PGRMC2: variants seen among roughly 807,000 people sequenced by gnomAD.
PGRMC2 encodes the protein progesterone receptor membrane component 2.
PGRMC2 carries 9 observed loss-of-function variants against 19.3 expected under a neutral mutation model. The ratio of observed to expected loss-of-function variants is 0.47; its 90% CI spans 0.28 to 0.81. The LOEUF (loss-of-function observed/expected upper bound fraction) is 0.81, where lower values mean the gene tolerates loss of function less well. PGRMC2 is among the 40% of genes least tolerant of loss of function. The pLI is 0.11. For missense variants in PGRMC2, 289 were observed against 297.3 expected (o/e 0.97, Z 0.21); for synonymous variants, 157 against 124.6 (o/e 1.26, Z -1.73).
In PGRMC2 at chr4:128,287,560, C is replaced by A; in HGVS notation, c.231G>T (p.Arg77=). 6.5e-7 allele frequency: 1 copy of A among 1,535,734 alleles called. No individual in the cohort carries two copies. The highest frequency in any genetic ancestry group is 8.8e-7 in the Non-Finnish European group (1 of 1,140,552). ...CCCCGGCCCCGGCCCCCAGACCCCG[C>A]CGCCCCCAGCGCACCCACAGCCGGT... ...GAYRLWVRWG[R]RGLGAGAGAG... The change falls in exon 1 of 3, where the codon CGG becomes CGT. Residue 77 remains arginine (R), a synonymous_variant. Coordinates refer to ENST00000296425, the MANE Select transcript of PGRMC2 (RefSeq NM_006320.6).
At chr4:128,283,659 A>AT (rs35900892) in intron 1 of PGRMC2, among the ~76,000 whole-genome samples, 145 of 134,776 alleles carry the variant, frequency 1.1e-3, no homozygotes, top group Middle Eastern at 3.9e-3. Flanking sequence ...CCATAAAAGC[A>AT]TTTTTTTTTT....
intron 1 of PGRMC2, among the ~76,000 whole-genome samples, chr4:128,275,525 C>T (rs1373952219): frequency 6.6e-6 from 1 of 152,046 alleles, no homozygotes; most frequent in African/African-American, 2.4e-5. Flanking sequence ...ATAATCCAAG[C>T]CAAATTCCAG....
intron 1 of PGRMC2, among the ~76,000 whole-genome samples, chr4:128,281,601 C>T (rs749656601): frequency 2.0e-5 from 3 of 151,990 alleles, no homozygotes; most frequent in East Asian, 1.9e-4. Flanking sequence ...TAAATATACC[C>T]GTAATCACAA....
intron 1 of PGRMC2, chr4:128,286,720 T>G: frequency 2.5e-6 from 1 of 398,546 alleles, no homozygotes; most frequent in Non-Finnish European, 4.4e-6. Flanking sequence ...ACATACCTTG[T>G]TAATCATGGA....
chr4:128,275,937 G>C (rs1432329314), intron 1 of PGRMC2, among the ~76,000 whole-genome samples: 1 of 152,088 alleles, frequency 6.6e-6, no homozygotes, highest in Non-Finnish European at 1.5e-5. Flanking sequence ...ATGTTGCCCA[G>C]CTGATCTTGA....
rs1554072647 is a variant in PGRMC2, at chr4:128,272,597, A to AAAC, written c.419-81_419-80insGTT. 75 of 926,932 alleles carry AAAC rather than the reference A, an allele frequency of 8.1e-5. 1 individual carries two copies. In the African/African-American group the frequency reaches 1.1e-3, roughly 13 times the overall value. 57.4% of individuals were successfully genotyped at this position (926,932 alleles called of 1,614,324 possible). A position where few individuals can be genotyped will look rare whatever the true frequency, so the allele number is the denominator to read the frequency against. On this transcript the variant is annotated intron_variant, in intron 1 of 2. Transcript: ENST00000296425. ...CAAAGGAAAAAGTAAAAAAAAAAAAAAAAAAACACAACAAAGAAAAAAACC... is the reference window on the plus strand; with the variant it reads ...CAAAGGAAAAAGTAAAAAAAAAAAAAAACAAAAAACACAACAAAGAAAAAAACC...
In PGRMC2 at chr4:128,269,539, CA is replaced by C. The variant is rs898548093; in HGVS notation, c.*1776del. On this transcript the variant is annotated 3_prime_UTR_variant, in exon 3 of 3. Coordinates refer to ENST00000296425, the MANE Select transcript of PGRMC2 (RefSeq NM_006320.6). ...AGATTTGGCTGAAGATAACTTTCTA[CA>C]AAACACTCCAAGACTGAATAGAATG... 6.6e-6 allele frequency: 1 copy of C among 151,344 alleles called. No individual in the cohort carries two copies. The highest frequency in any genetic ancestry group is 1.5e-5 in the Non-Finnish European group (1 of 68,020). The allele number at this position is 151,344 out of a possible 1,614,324, so 9.4% of individuals were successfully genotyped here. A position where few individuals can be genotyped will look rare whatever the true frequency, so the allele number is the denominator to read the frequency against.
In PGRMC2 at chr4:128,269,571, T is replaced by A. The variant is rs1000248085; in HGVS notation, c.*1745A>T. ...CTCCAAGACTGAATAGAATGTAGTA[T>A]TTTACATACTTTAGCTTATTGTTGC... On this transcript the variant is annotated 3_prime_UTR_variant, in exon 3 of 3. Coordinates refer to ENST00000296425, the MANE Select transcript of PGRMC2 (RefSeq NM_006320.6). 4 of 152,202 alleles carry A rather than the reference T, an allele frequency of 2.6e-5. No homozygotes were observed. Among genetic ancestry groups the A allele is most frequent in the Non-Finnish European group, 5.9e-5 (4 of 68,026 alleles). The allele number at this position is 152,202 out of a possible 1,614,324, so 9.4% of individuals were successfully genotyped here.
At chr4:128,277,523 TCA>T (rs1204328997) in intron 1 of PGRMC2, among the ~76,000 whole-genome samples, 1 of 152,242 alleles carries the variant, frequency 6.6e-6, no homozygotes, top group African/African-American at 2.4e-5. Context: ...TTAATTATTC[TCA>T]CAGTTTAAAA....
rs1295958205 is a variant in PGRMC2 at position 128,270,695 on chromosome 4, A to G, written c.*621T>C. 2 of 152,376 alleles carry G rather than the reference A, an allele frequency of 1.3e-5. No homozygotes were observed. Among genetic ancestry groups the G allele is most frequent in the Non-Finnish European group, 2.9e-5 (2 of 68,036 alleles). The allele number at this position is 152,376 out of a possible 1,614,324, so 9.4% of individuals were successfully genotyped here. ...TCTGTTGGGGAACTAGCTCTGACTTAAACCCACCTGAAATTCCTTCTCCTA... is the reference window on the plus strand; with the variant it reads ...TCTGTTGGGGAACTAGCTCTGACTTGAACCCACCTGAAATTCCTTCTCCTA... On this transcript the variant is annotated 3_prime_UTR_variant, in exon 3 of 3. Coordinates refer to ENST00000296425, the MANE Select transcript of PGRMC2 (RefSeq NM_006320.6).
intron 1 of PGRMC2, among the ~76,000 whole-genome samples, chr4:128,278,268 C>T (rs1160288491): frequency 6.6e-6 from 1 of 151,962 alleles, no homozygotes; most frequent in Non-Finnish European, 1.5e-5. Context: ...GGGATTATTC[C>T]CCTGTTGGGG....
Position 128,269,274 on chromosome 4 carries a change from C to T in PGRMC2, c.*2042G>A, listed in dbSNP as rs1052853782. ...ATTATCTACAGAACACTGTTTATTT[C>T]AAGTCCAAAACACAAATTACTCATT... On this transcript the variant is annotated 3_prime_UTR_variant, in exon 3 of 3. Transcript: ENST00000296425. 3.9e-5 allele frequency: 6 copies of T among 152,106 alleles called. No individual in the cohort carries two copies. The highest frequency in any genetic ancestry group is 1.4e-4 in the African/African-American group (6 of 41,414). The allele number at this position is 152,106 out of a possible 1,614,324, so 9.4% of individuals were successfully genotyped here.
chr4:128,275,267 A>G (rs1760789953), intron 1 of PGRMC2, among the ~76,000 whole-genome samples: 1 of 152,180 alleles, frequency 6.6e-6, no homozygotes, highest in Admixed American at 6.5e-5. Context: ...AAGCCATAAA[A>G]CACATTTAAA....
chr4:128,273,020 A>G (rs1194601460), intron 1 of PGRMC2: 2 of 152,248 alleles, frequency 1.3e-5, no homozygotes, highest in African/African-American at 2.4e-5. Context: ...TTCTATGAGA[A>G]AAGAGACTGT....
At chr4:128,287,247 C>G (rs1030860149) in intron 1 of PGRMC2, 126 bp downstream of exon 1, 10 of 1,158,210 alleles carry the variant, frequency 8.6e-6, no homozygotes, top group African/African-American at 4.8e-5. Flanking sequence ...GTGCGGCGGC[C>G]GAGGCGCGGG....
At chr4:128,286,352 T>C (rs1298667373) in intron 1 of PGRMC2, among the ~76,000 whole-genome samples, 1 of 152,026 alleles carries the variant, frequency 6.6e-6, no homozygotes, top group African/African-American at 2.4e-5. Flanking sequence ...GAGTCTGGGG[T>C]TTATTAACAT....
At chr4:128,273,432 C>T (rs1394738939) in intron 1 of PGRMC2, among the ~76,000 whole-genome samples, 1 of 152,100 alleles carries the variant, frequency 6.6e-6, no homozygotes, top group East Asian at 1.9e-4. Flanking sequence ...TAGCACTGTG[C>T]CTGGCATAAA....
In PGRMC2 at chr4:128,287,401, C is replaced by T; in HGVS notation, c.390G>A (p.Val130=). The part of the protein sequence containing the change: ...LLAVNGKVFD[V]TKGSKFYGPA... Reference sequence around the variant, plus strand: ...GGCCGTAGAACTTGCTGCCTTTGGTCACGTCGAAGACTTTCCCATTGACCG... The same window carrying T: ...GGCCGTAGAACTTGCTGCCTTTGGTTACGTCGAAGACTTTCCCATTGACCG... Residue 130 remains valine, a synonymous_variant, in exon 1 of 3, where the codon GTG becomes GTA. Coordinates refer to ENST00000296425, the MANE Select transcript of PGRMC2 (RefSeq NM_006320.6). 6.2e-7 allele frequency: 1 copy of T among 1,606,740 alleles called. No homozygotes were observed. Among genetic ancestry groups the T allele is most frequent in the Non-Finnish European group, 8.5e-7 (1 of 1,174,362 alleles).
chr4:128,276,370 CTG>C (rs1760812948), intron 1 of PGRMC2, among the ~76,000 whole-genome samples: 1 of 152,162 alleles, frequency 6.6e-6, no homozygotes. Context: ...GAGTCACACT[CTG>C]TGGTGTGATC....
Sources: allele counts gnomAD v4.1 joint callset (sites outside exome capture counted in the v4.1 genomes callset), GRCh38; gene constraint gnomAD v4.1.1; transcripts MANE v1.5; gene names NCBI Gene and HGNC (gene_info 2026-07-23, HGNC 2026-07-21).